XYLT1: variants seen among roughly 807,000 people sequenced by gnomAD.
XYLT1 encodes the protein xylosyltransferase 1.
XYLT1 carries 36 observed loss-of-function variants against 91.3 expected under a neutral mutation model. That is an observed-to-expected ratio of 0.39 (90% confidence interval 0.30 to 0.52). The LOEUF (loss-of-function observed/expected upper bound fraction) is 0.52. XYLT1 is among the 20% of genes least tolerant of loss of function. The probability of loss-of-function intolerance (pLI) is 0.68; values close to 1 mark genes in which losing one functional copy is unlikely to be tolerated. For synonymous variants in XYLT1, 588 were observed against 532.0 expected (o/e 1.11, Z -1.45); for missense variants, 1,242 against 1,284.5 (o/e 0.97, Z 0.51).
chr16:17,161,405 T>A (rs1449933143), intron 5 of XYLT1, among the ~76,000 whole-genome samples: 1 of 151,988 alleles, frequency 6.6e-6, no homozygotes, highest in Non-Finnish European at 1.5e-5. Context: ...TGATGGATTG[T>A]CTGGAAGGGT....
intron 1 of XYLT1, among the ~76,000 whole-genome samples, chr16:17,384,355 G>A (rs80213736): frequency 0.063 from 9,491 of 151,698 alleles, 413 homozygotes; most frequent in African/African-American, 0.11. Context: ...TCTGTCTCTC[G>A]GCTGGCCAGA....
At chr16:17,449,001 C>T (rs868337825) in intron 1 of XYLT1, among the ~76,000 whole-genome samples, 10 of 152,184 alleles carry the variant, frequency 6.6e-5, no homozygotes, top group African/African-American at 1.9e-4. Flanking sequence ...GCCAAGTCCC[C>T]GTGCTTCTCT....
intron 2 of XYLT1, among the ~76,000 whole-genome samples, chr16:17,267,011 C>T (rs1446771713): frequency 6.6e-6 from 1 of 152,220 alleles, no homozygotes. Context: ...AACCCGTGGA[C>T]CACGCTGGAC....
chr16:17,371,851 T>C (rs2035537291), intron 1 of XYLT1, among the ~76,000 whole-genome samples: 1 of 152,236 alleles, frequency 6.6e-6, no homozygotes, highest in Admixed American at 6.5e-5. Flanking sequence ...AGTGTATGTG[T>C]GTGAATATGC....
intron 9 of XYLT1, among the ~76,000 whole-genome samples, chr16:17,133,412 G>C (rs1168004457): frequency 6.6e-6 from 1 of 152,018 alleles, no homozygotes; most frequent in African/African-American, 2.4e-5. Context: ...GGAAAAAAAG[G>C]GCTTTCTGAG....
intron 1 of XYLT1, among the ~76,000 whole-genome samples, chr16:17,399,400 C>CT: frequency 6.6e-6 from 1 of 152,180 alleles, no homozygotes; most frequent in South Asian, 2.1e-4. Flanking sequence ...GTGGACAACT[C>CT]CAGGCCTCCA....
intron 1 of XYLT1, among the ~76,000 whole-genome samples, chr16:17,455,582 CTAAATAAATAAATAAATAAATAAA>C (rs71137993): frequency 2.1e-5 from 3 of 144,246 alleles, no homozygotes; most frequent in African/African-American, 5.2e-5. Context: ...GACTCCATCT[CTAAATAAATAAATAAATAAATAAA>C]TAAATAAATA....
chr16:17,179,454 C>T (rs1322302699), intron 5 of XYLT1, among the ~76,000 whole-genome samples: 1 of 152,238 alleles, frequency 6.6e-6, no homozygotes, highest in Non-Finnish European at 1.5e-5. Flanking sequence ...TTCCTCATAA[C>T]TTTCTGGCAT....
At chr16:17,247,166 CTCAT>C (rs2033449455) in intron 3 of XYLT1, among the ~76,000 whole-genome samples, 1 of 150,760 alleles carries the variant, frequency 6.6e-6, no homozygotes, top group Non-Finnish European at 1.5e-5. Context: ...TATTCATTCA[CTCAT>C]TCACTCATTC....
chr16:17,438,488 A>C (rs2036489979), intron 1 of XYLT1, among the ~76,000 whole-genome samples: 1 of 152,194 alleles, frequency 6.6e-6, no homozygotes, highest in South Asian at 2.1e-4. Context: ...GAGGACTGTC[A>C]GATACTTGAC....
chr16:17,283,204 G>A lies in XYLT1; in HGVS notation c.403-23706C>T, dbSNP rs915432238. On this transcript the variant is annotated intron_variant, in intron 2 of 11. Transcript: ENST00000261381. ...CGTCTGGAGGCAAAGCCAAGCCAAC[G>A]GGAGCAGATGGAGCCCAGGCAGCAG... 2.6e-5 allele frequency among the ~76,000 whole-genome samples: 4 copies of A among 152,170 alleles called. No homozygotes were observed. In the South Asian group the frequency reaches 8.3e-4, roughly 32 times the overall value.
intron 2 of XYLT1, among the ~76,000 whole-genome samples, chr16:17,339,550 C>T (rs540888098): frequency 9.2e-5 from 14 of 152,256 alleles, no homozygotes; most frequent in South Asian, 2.1e-4. Flanking sequence ...TATACTTTGA[C>T]GGCTGTACTT....
chr16:17,418,198 C>T (rs2036203914), intron 1 of XYLT1, among the ~76,000 whole-genome samples: 1 of 152,210 alleles, frequency 6.6e-6, no homozygotes, highest in Non-Finnish European at 1.5e-5. Flanking sequence ...GATCAGAACC[C>T]TGTAAGATCC....
chr16:17,468,604 C>T (rs561387268), intron 1 of XYLT1, among the ~76,000 whole-genome samples: 1 of 152,230 alleles, frequency 6.6e-6, no homozygotes, highest in Non-Finnish European at 1.5e-5. Context: ...GAGAGTAAAA[C>T]ACTGAGCCGA....
chr16:17,248,237 G>A (rs1007414882), intron 3 of XYLT1, among the ~76,000 whole-genome samples: 1 of 152,168 alleles, frequency 6.6e-6, no homozygotes, highest in African/African-American at 2.4e-5. Context: ...CACACTATAA[G>A]ATGTCTTTTG....
At chr16:17,156,488 C>A (rs926802982) in intron 6 of XYLT1, among the ~76,000 whole-genome samples, 1 of 152,246 alleles carries the variant, frequency 6.6e-6, no homozygotes, top group Non-Finnish European at 1.5e-5. Context: ...TCCATGGAAT[C>A]CTTGCCCAGC....
intron 1 of XYLT1, among the ~76,000 whole-genome samples, chr16:17,469,706 G>A (rs546714522): frequency 1.3e-5 from 2 of 152,162 alleles, no homozygotes; most frequent in African/African-American, 4.8e-5. Context: ...GACCTGAACC[G>A]GCCGCAACAA....
intron 2 of XYLT1, among the ~76,000 whole-genome samples, chr16:17,269,228 A>C (rs933915902): frequency 7.3e-5 from 11 of 151,620 alleles, no homozygotes. Context: ...TTTGTTCCCC[A>C]GGCTGGAGTA....
At chr16:17,292,767 G>T (rs559524406) in intron 2 of XYLT1, among the ~76,000 whole-genome samples, 2 of 152,352 alleles carry the variant, frequency 1.3e-5, no homozygotes, top group East Asian at 3.9e-4. Flanking sequence ...CCCACACATG[G>T]TCTTTCAGAA....
Sources: allele counts gnomAD v4.1 joint callset (sites outside exome capture counted in the v4.1 genomes callset), GRCh38; gene constraint gnomAD v4.1.1; transcripts MANE v1.5; gene names NCBI Gene and HGNC (gene_info 2026-07-23, HGNC 2026-07-21).